Variants in PHLPP1 observed in about 807,000 individuals in gnomAD.
The protein encoded by PHLPP1 is PH domain leucine-rich repeat-containing protein phosphatase 1.
PHLPP1 carries 42 observed loss-of-function variants against 117.2 expected under a neutral mutation model. That is an observed-to-expected ratio of 0.36 (90% confidence interval 0.28 to 0.46). The LOEUF is 0.46. Ranked by LOEUF, PHLPP1 falls within the 20% of genes least tolerant of loss-of-function variation. The pLI is 1.00. For missense variants in PHLPP1, 2,084 were observed against 2,241.9 expected (o/e 0.93, Z 1.42); for synonymous variants, 1,042 against 970.7 (o/e 1.07, Z -1.37).
intron 3 of PHLPP1, chr18:62,839,716 T>G (rs930266474): frequency 7.0e-6 from 1 of 142,994 alleles, no homozygotes; most frequent in African/African-American, 2.6e-5. Context: ...GACTCTGACT[T>G]AAAAAAAAAA....
chr18:62,849,832 A>ATTT (rs747097979), intron 3 of PHLPP1, among the ~76,000 whole-genome samples: 1 of 33,084 alleles, frequency 3.0e-5, no homozygotes, highest in African/African-American at 1.2e-4. Context: ...AAAAAAAAAA[A>ATTT]ATATATATAT....
intron 4 of PHLPP1, among the ~76,000 whole-genome samples, chr18:62,864,915 CT>C (rs1915733543): frequency 6.6e-6 from 1 of 152,210 alleles, no homozygotes; most frequent in Admixed American, 6.5e-5. Context: ...TACCACAGTT[CT>C]TTAAACATAA....
chr18:62,964,548 G>A (rs1046006093), intron 14 of PHLPP1, among the ~76,000 whole-genome samples: 6 of 152,290 alleles, frequency 3.9e-5, no homozygotes, highest in Middle Eastern at 3.4e-3. Flanking sequence ...GCTCTCTAGA[G>A]AAGAGTTAAC....
chr18:62,898,591 CTA>C (rs1387625664), intron 6 of PHLPP1, among the ~76,000 whole-genome samples: 2 of 152,134 alleles, frequency 1.3e-5, no homozygotes, highest in Non-Finnish European at 2.9e-5. Flanking sequence ...GGATGAGGCT[CTA>C]TCTCTGAGCT....
intron 1 of PHLPP1, among the ~76,000 whole-genome samples, chr18:62,780,284 A>G (rs1913080807): frequency 6.6e-6 from 1 of 152,228 alleles, no homozygotes; most frequent in African/African-American, 2.4e-5. Flanking sequence ...TGCAATAAGA[A>G]ATACTGTACA....
chr18:62,831,624 A>T (rs1599071109), intron 2 of PHLPP1, among the ~76,000 whole-genome samples: 2 of 152,224 alleles, frequency 1.3e-5, no homozygotes, highest in South Asian at 4.1e-4. Flanking sequence ...GGCATGAGCC[A>T]CTGTGCCTGG....
At chr18:62,896,602 T>C (rs1364147364) in intron 6 of PHLPP1, among the ~76,000 whole-genome samples, 1 of 152,096 alleles carries the variant, frequency 6.6e-6, no homozygotes, top group African/African-American at 2.4e-5. Flanking sequence ...TCCTGTTTTT[T>C]GTTGTTGTTT....
chr18:62,864,534 G>A (rs1915722825), intron 4 of PHLPP1, among the ~76,000 whole-genome samples: 1 of 152,194 alleles, frequency 6.6e-6, no homozygotes. Flanking sequence ...GGTGCTATCT[G>A]GAAGAATAGT....
chr18:62,970,738 C>T (rs1911027446), intron 14 of PHLPP1, among the ~76,000 whole-genome samples: 1 of 152,066 alleles, frequency 6.6e-6, no homozygotes, highest in South Asian at 2.1e-4. Flanking sequence ...GCACTCCAGC[C>T]TGTGTGACAG....
intron 1 of PHLPP1, among the ~76,000 whole-genome samples, chr18:62,719,168 A>G (rs1307832712): frequency 6.6e-6 from 1 of 152,198 alleles, no homozygotes; most frequent in Admixed American, 6.5e-5. Flanking sequence ...ATGTGCTTAC[A>G]TATACTCAGA....
intron 1 of PHLPP1, among the ~76,000 whole-genome samples, chr18:62,724,873 G>A (rs952942998): frequency 1.3e-5 from 2 of 152,084 alleles, no homozygotes; most frequent in African/African-American, 4.8e-5. Flanking sequence ...ACCTTTGTGG[G>A]ATGCATGATA....
At chr18:62,821,497 C>T (rs868353883) in intron 1 of PHLPP1, among the ~76,000 whole-genome samples, 4 of 135,364 alleles carry the variant, frequency 3.0e-5, no homozygotes, top group Non-Finnish European at 4.5e-5. Context: ...TGCAGTGAGC[C>T]GAGATCGCAT....
chr18:62,818,015 C>T (rs1056250566), intron 1 of PHLPP1, among the ~76,000 whole-genome samples: 1 of 151,772 alleles, frequency 6.6e-6, no homozygotes, highest in Non-Finnish European at 1.5e-5. Context: ...CCACCACGCC[C>T]AGCTAATTTT....
chr18:62,978,834 C>T lies in PHLPP1; in HGVS notation c.4557C>T (p.His1519=), dbSNP rs1367163401. The T allele has an allele frequency of 6.2e-6, 10 of 1,609,154 alleles. No individual in the cohort carries two copies. The highest frequency in any genetic ancestry group is 2.7e-5 in the African/African-American group (2 of 74,768). Residue 1519 remains histidine (H), a synonymous_variant, in exon 17 of 17, where the codon CAC becomes CAT. Transcript: ENST00000262719. The surrounding 1 kb of genome is among the most constrained non-coding windows in gnomAD (Gnocchi z 7.0). The stretch of plus-strand genomic sequence containing the variant: ...CCAGTGAGCAGCGCTGCATGCTCCA[C>T]CCCATCTGTCTGTCCAACTCCTTCC... The part of the protein sequence containing the change: ...AYPSEQRCML[H]PICLSNSFQR...
rs149491063 is a variant in PHLPP1 at position 62,887,264 on chromosome 18, C to T, written c.2067-7747C>T. On this transcript the variant is annotated intron_variant, in intron 4 of 16. Transcript: ENST00000262719. ...TTCATAATTGCATGCAGTAGTCATACAGTTTCTCTGGGCCTGTTTTTTTTA... is the reference window on the plus strand; with the variant it reads ...TTCATAATTGCATGCAGTAGTCATATAGTTTCTCTGGGCCTGTTTTTTTTA... Among the ~76,000 whole-genome samples the T allele has an allele frequency of 2.1e-3, 322 of 152,198 alleles. 3 individuals are homozygous for T. Among genetic ancestry groups the T allele is most frequent in the Admixed American group, 8.2e-3 (125 of 15,276 alleles).
At chr18:62,898,730 C>T (rs1257445736) in intron 6 of PHLPP1, among the ~76,000 whole-genome samples, 1 of 152,138 alleles carries the variant, frequency 6.6e-6, no homozygotes, top group Non-Finnish European at 1.5e-5. Flanking sequence ...GCCACAATAT[C>T]CAACTGCATT....
chr18:62,801,919 C>T (rs1456528586), intron 1 of PHLPP1, among the ~76,000 whole-genome samples: 2 of 152,162 alleles, frequency 1.3e-5, no homozygotes, highest in African/African-American at 2.4e-5. Context: ...AGCATCACTC[C>T]TAGTCTCTAG....
chr18:62,847,487 G>A (rs1915211262), intron 3 of PHLPP1, among the ~76,000 whole-genome samples: 1 of 152,050 alleles, frequency 6.6e-6, no homozygotes, highest in Non-Finnish European at 1.5e-5. Flanking sequence ...ATACTTGCGG[G>A]TTTGATCTGT....
intron 9 of PHLPP1, among the ~76,000 whole-genome samples, chr18:62,916,713 CCTTAT>C (rs1343123401): frequency 3.5e-5 from 5 of 144,210 alleles, no homozygotes; most frequent in East Asian, 2.0e-4. Context: ...AAATTTTTTA[CCTTAT>C]CTTTTCTTCT....
Sources: gnomAD v4.1 joint callset for allele counts (sites outside exome capture counted in the v4.1 genomes callset) on GRCh38, gnomAD v4.1.1 for gene constraint, Gnocchi (gnomAD v3.1) non-coding constraint, MANE v1.5 for transcripts, NCBI Gene and HGNC (gene_info 2026-07-23, HGNC 2026-07-21) for gene names.